The following PLA2R1 variants were observed in gnomAD, a reference collection of about 807,000 sequenced individuals.
The protein encoded by PLA2R1 is phospholipase A2 receptor 1, also known as secretory phospholipase A2 receptor.
In PLA2R1, 158 loss-of-function variants were observed where a neutral mutation model predicts 195.9. The observed-to-expected ratio is 0.81, with a 90% confidence interval of 0.71 to 0.92. PLA2R1 has a LOEUF of 0.92. Ranked by LOEUF, PLA2R1 falls within the 40% of genes least tolerant of loss-of-function variation. The probability of loss-of-function intolerance (pLI) is 0.00; values close to 1 mark genes in which losing one functional copy is unlikely to be tolerated. For synonymous variants in PLA2R1, 586 were observed against 598.2 expected (o/e 0.98, Z 0.30); for missense variants, 1,626 against 1,764.6 (o/e 0.92, Z 1.41).
chr2:159,938,137 A>T lies in PLA2R1; in HGVS notation c.*3641T>A, dbSNP rs938029721. 3 of 152,212 alleles carry T rather than the reference A, an allele frequency of 2.0e-5. No individual in the cohort carries two copies. Among genetic ancestry groups the T allele is most frequent in the African/African-American group, 7.2e-5 (3 of 41,450 alleles). 9.4% of individuals were successfully genotyped at this position (152,212 alleles called of 1,614,324 possible). ...CTGTATTCCTTAGGCATGTGTCCCC[A>T]GTTTGAGGACTTTTGACTTAGAGGA... On this transcript the variant is annotated 3_prime_UTR_variant, in exon 30 of 30. Transcript: ENST00000283243.
intron 10 of PLA2R1, among the ~76,000 whole-genome samples, chr2:160,008,219 T>C (rs1692127512): frequency 6.6e-6 from 1 of 152,062 alleles, no homozygotes; most frequent in South Asian, 2.1e-4. Flanking sequence ...GGCGGGAGGA[T>C]GGCTTGAGCC....
At chr2:159,977,570 T>C (rs1245111940) in intron 14 of PLA2R1, among the ~76,000 whole-genome samples, 154 bp from the exon 15 acceptor site, 1 of 152,158 alleles carries the variant, frequency 6.6e-6, no homozygotes, top group Non-Finnish European at 1.5e-5. Context: ...TGTTTCACAT[T>C]TGTGAAGAAC....
intron 20 of PLA2R1, among the ~76,000 whole-genome samples, chr2:159,964,262 T>C (rs1274168318): frequency 6.6e-6 from 1 of 152,220 alleles, no homozygotes; most frequent in African/African-American, 2.4e-5. Flanking sequence ...GCTTAATGGT[T>C]ACAGAGTTTC....
At chr2:160,021,432 C>G (rs564433145) in intron 7 of PLA2R1, among the ~76,000 whole-genome samples, 1 of 152,316 alleles carries the variant, frequency 6.6e-6, no homozygotes, top group African/African-American at 2.4e-5. Context: ...TACACATACA[C>G]ATACCATGGA....
chr2:160,037,876 A>T (rs1032810731), intron 3 of PLA2R1, among the ~76,000 whole-genome samples: 1 of 152,188 alleles, frequency 6.6e-6, no homozygotes, highest in Admixed American at 6.5e-5. Flanking sequence ...ACTTATGACA[A>T]ACTGTAATTA....
chr2:159,927,524 T>G (rs567358195), downstream of PLA2R1, among the ~76,000 whole-genome samples: 1 of 152,304 alleles, frequency 6.6e-6, no homozygotes, highest in South Asian at 2.1e-4. Context: ...TTGTCAGGCA[T>G]TTTGTATATC....
intron 10 of PLA2R1, among the ~76,000 whole-genome samples, chr2:160,010,189 T>C (rs576655385): frequency 1.3e-5 from 2 of 152,308 alleles, no homozygotes; most frequent in South Asian, 2.1e-4. Context: ...ATTCACAAAA[T>C]TGAATGCCAT....
At position 159,936,620 on chromosome 2, in the gene PLA2R1, T is replaced by C. The variant is rs1486925856; in HGVS notation, c.*5158A>G. The C allele has an allele frequency of 6.6e-6, 1 of 152,206 alleles. No homozygotes were observed. Among genetic ancestry groups the C allele is most frequent in the Non-Finnish European group, 1.5e-5 (1 of 68,044 alleles). The allele number at this position is 152,206 out of a possible 1,614,324, so 9.4% of individuals were successfully genotyped here. A position where few individuals can be genotyped will look rare whatever the true frequency, so the allele number is the denominator to read the frequency against. On this transcript the variant is annotated 3_prime_UTR_variant, in exon 30 of 30. Coordinates refer to ENST00000283243, the MANE Select transcript of PLA2R1 (RefSeq NM_007366.5). ...TTCCTGAGCACACAAAGCAGAAGAC[T>C]TCCTGGATTTCCTTTCAGTTAGGTT...
intron 17 of PLA2R1, among the ~76,000 whole-genome samples, chr2:159,972,210 T>C (rs1203480281): frequency 6.6e-6 from 1 of 152,156 alleles, no homozygotes; most frequent in Non-Finnish European, 1.5e-5. Context: ...TCACAACCTG[T>C]TGTGATATGG....
intron 22 of PLA2R1, 69 bp downstream of exon 22, chr2:159,955,629 T>C: frequency 1.3e-6 from 1 of 778,070 alleles, no homozygotes; most frequent in Non-Finnish European, 1.9e-6. Flanking sequence ...TAAAAAAAGC[T>C]TTAGTAAACA....
At chr2:159,926,177 T>C in the PLA2R1 span, among the ~76,000 whole-genome samples, 1 of 152,232 alleles carries the variant, frequency 6.6e-6, no homozygotes. Context: ...GCTTTAAGAC[T>C]AAGTATACCT....
chr2:159,987,629 G>C (rs1026617689), intron 11 of PLA2R1, among the ~76,000 whole-genome samples: 2 of 152,158 alleles, frequency 1.3e-5, no homozygotes, highest in African/African-American at 2.4e-5. Context: ...AAATGATGAG[G>C]AACTAGGAGC....
At position 159,955,837 on chromosome 2, in the gene PLA2R1, C is replaced by T. The variant is rs1389076741; in HGVS notation, c.3023-9G>A. The T allele has an allele frequency of 3.8e-6, 6 of 1,578,118 alleles. No individual in the cohort carries two copies. The highest frequency in any genetic ancestry group is 5.2e-6 in the Non-Finnish European group (6 of 1,152,990). ...ATTCATAGTAATGAAAGCTGAAAAA[C>T]AGGAATACATTATCTAATTTAATAC... On this transcript the variant is annotated splice_polypyrimidine_tract_variant and intron_variant, in intron 21 of 29. Transcript: ENST00000283243.
intron 10 of PLA2R1, among the ~76,000 whole-genome samples, chr2:160,010,141 G>GA (rs1398904112): frequency 6.6e-6 from 1 of 152,106 alleles, no homozygotes; most frequent in Non-Finnish European, 1.5e-5. Context: ...AAACTTAGGA[G>GA]AAAATGAGAT....
rs767362737 is a variant in PLA2R1, at chr2:160,028,287, G to T, written c.1030C>A (p.Arg344=). 1 of 1,603,552 alleles carries T rather than the reference G, an allele frequency of 6.2e-7. No individual in the cohort carries two copies. The change falls in exon 6 of 30, where the codon CGG becomes AGG. Residue 344 remains arginine, a synonymous_variant. Coordinates refer to ENST00000283243, the MANE Select transcript of PLA2R1 (RefSeq NM_007366.5). ...SSFMPSAWRS[R]DCESTLPYIC... ...TATGGCAAGGTGGACTCACAATCCC[G>T]ACTCCTCCAGGCACTTGGCATAAAT...
At chr2:160,036,897 C>A (rs556019613) in intron 3 of PLA2R1, among the ~76,000 whole-genome samples, 2 of 151,978 alleles carry the variant, frequency 1.3e-5, no homozygotes, top group Admixed American at 6.5e-5. Flanking sequence ...AAAAATGGAA[C>A]GGGGGAGGTG....
At chr2:159,970,034 T>C in intron 18 of PLA2R1, 114 bp downstream of exon 18, 1 of 652,336 alleles carries the variant, frequency 1.5e-6, no homozygotes, top group Non-Finnish European at 2.6e-6. Context: ...AGTGAAAATT[T>C]ATAAGTTAAT....
In PLA2R1 at chr2:160,020,525, G is replaced by T. The variant is rs76597507; in HGVS notation, c.1295-262C>A. Among the ~76,000 whole-genome samples, 800 of 152,216 alleles carry T rather than the reference G, an allele frequency of 5.3e-3. 4 individuals are homozygous for T. The highest frequency in any genetic ancestry group is 7.9e-3 in the Non-Finnish European group (540 of 67,998). ...TAGTATTGAGAAGGAGGCCTCTAAG[G>T]GGTGAATGGGTCATGAAGGCTCTGC... On this transcript the variant is annotated intron_variant, in intron 7 of 29. Coordinates refer to ENST00000283243, the MANE Select transcript of PLA2R1 (RefSeq NM_007366.5).
rs1222064491 is a variant in PLA2R1, at chr2:159,940,693, T to C, written c.*1085A>G. The C allele has an allele frequency of 6.6e-6, 1 of 152,030 alleles. No homozygotes were observed. Among genetic ancestry groups the C allele is most frequent in the Non-Finnish European group, 1.5e-5 (1 of 67,992 alleles). 9.4% of individuals were successfully genotyped at this position (152,030 alleles called of 1,614,324 possible). A position where few individuals can be genotyped will look rare whatever the true frequency, so the allele number is the denominator to read the frequency against. Reference sequence around the variant, plus strand: ...TGTAATTTTTTATTTACAGACAGTATCATAATCATTATTTACCATCTACAC... The same window carrying C: ...TGTAATTTTTTATTTACAGACAGTACCATAATCATTATTTACCATCTACAC... On this transcript the variant is annotated 3_prime_UTR_variant, in exon 30 of 30. Transcript: ENST00000283243.
Sources: allele counts gnomAD v4.1 joint callset (sites outside exome capture counted in the v4.1 genomes callset), GRCh38; gene constraint gnomAD v4.1.1; transcripts MANE v1.5; gene names NCBI Gene and HGNC (gene_info 2026-07-23, HGNC 2026-07-21).